The following MARCHF1 variants were observed in gnomAD, a reference collection of about 807,000 sequenced individuals.
The protein encoded by MARCHF1 is membrane associated ring-CH-type finger 1.
A neutral mutation model predicts 54.2 loss-of-function variants in MARCHF1; 40 were observed. The observed-to-expected ratio is 0.74, with a 90% CI of 0.57 to 0.96. The LOEUF is 0.96. Among genes scored for constraint, MARCHF1 ranks in the 40% least tolerant of loss-of-function variants. MARCHF1 has a pLI of 0.00. For missense variants in MARCHF1, 586 were observed against 656.5 expected, an observed-to-expected ratio of 0.89 and a Z score of 1.17; for synonymous variants, 236 against 236.3, an observed-to-expected ratio of 1.00 and a Z score of 0.01.
intron 2 of MARCHF1, among the ~76,000 whole-genome samples, chr4:164,044,606 T>C (rs1361116690): frequency 6.6e-6 from 1 of 152,140 alleles, no homozygotes; most frequent in African/African-American, 2.4e-5. Context: ...AAGGAGAAGT[T>C]TGACTTTGAG....
chr4:163,824,469 C>T (rs1748788612), intron 4 of MARCHF1, among the ~76,000 whole-genome samples: 1 of 143,706 alleles, frequency 7.0e-6, no homozygotes, highest in African/African-American at 2.5e-5. Context: ...CCCTTCCTTA[C>T]ACCTTATACA....
intron 3 of MARCHF1, among the ~76,000 whole-genome samples, chr4:163,887,322 C>A (rs1579366859): frequency 6.6e-6 from 1 of 151,768 alleles, no homozygotes. Context: ...GAGATGGAGC[C>A]AATCACTCAA....
At chr4:163,668,641 T>A (rs1055519427) in intron 5 of MARCHF1, among the ~76,000 whole-genome samples, 24 of 152,142 alleles carry the variant, frequency 1.6e-4, no homozygotes, top group African/African-American at 5.3e-4. Flanking sequence ...TATTGTTGAA[T>A]CACAGCATCA....
chr4:164,144,532 C>G (rs1213278691), intron 1 of MARCHF1, among the ~76,000 whole-genome samples: 1 of 152,016 alleles, frequency 6.6e-6, no homozygotes, highest in Non-Finnish European at 1.5e-5. Context: ...CAAAACTGCG[C>G]AACTACACAG....
At chr4:163,679,851 C>CT (rs1393291435) in intron 5 of MARCHF1, among the ~76,000 whole-genome samples, 1 of 152,024 alleles carries the variant, frequency 6.6e-6, no homozygotes, top group Non-Finnish European at 1.5e-5. Context: ...CCGCCCGCCT[C>CT]GGCCTCCCAA....
rs150898009 is a variant in MARCHF1, at chr4:164,221,925, C to T, written c.-322-110263G>A. Among the ~76,000 whole-genome samples the T allele has an allele frequency of 3.0e-3, 452 of 152,032 alleles. 4 individuals carry two copies. The highest frequency in any genetic ancestry group is 0.011 in the African/African-American group (436 of 41,498). On this transcript the variant is annotated intron_variant, in intron 1 of 9. Coordinates refer to ENST00000514618, the MANE Select transcript of MARCHF1 (RefSeq NM_001394959.1). ...GGATCAGTTATAGTCATTTCCTGAA[C>T]CACTTTTCTTAAGTTCAAGAGATAA...
intron 4 of MARCHF1, among the ~76,000 whole-genome samples, chr4:163,718,039 C>G (rs977493798): frequency 6.6e-6 from 1 of 152,124 alleles, no homozygotes; most frequent in Non-Finnish European, 1.5e-5. Context: ...CTGACAAAAA[C>G]AAGAAATGGG....
rs571673957 is a variant in MARCHF1 at position 163,777,576 on chromosome 4, A to G, written c.111+76445T>C. Among the ~76,000 whole-genome samples the G allele has an allele frequency of 1.6e-4, 25 of 152,284 alleles. No individual in the cohort carries two copies. The East Asian group carries it at 4.8e-3, about 29-fold the overall frequency. On this transcript the variant is annotated intron_variant, in intron 4 of 9. Coordinates refer to ENST00000514618, the MANE Select transcript of MARCHF1 (RefSeq NM_001394959.1). ...TACAAAACAAGAGGTTGGGACCAGC[A>G]GATAGACTTTCAGTTTTATCTGGGA...
At chr4:164,085,830 T>C (rs1755182304) in intron 2 of MARCHF1, among the ~76,000 whole-genome samples, 1 of 151,818 alleles carries the variant, frequency 6.6e-6, no homozygotes, top group Non-Finnish European at 1.5e-5. Context: ...ATTATGACTA[T>C]GTATTCTGTA....
At chr4:163,980,137 C>A (rs1418097773) in intron 3 of MARCHF1, among the ~76,000 whole-genome samples, 1 of 142,690 alleles carries the variant, frequency 7.0e-6, no homozygotes, top group Non-Finnish European at 1.5e-5. Context: ...CTACAGTAAC[C>A]AAAACAGCAT....
chr4:163,545,326 G>A (rs569259648), intron 9 of MARCHF1, among the ~76,000 whole-genome samples: 7 of 152,310 alleles, frequency 4.6e-5, no homozygotes, highest in South Asian at 2.1e-4. Context: ...CAAAAAGCCC[G>A]AAGTGGTGTG....
At chr4:164,247,762 A>G (rs1055873414) in intron 1 of MARCHF1, among the ~76,000 whole-genome samples, 1 of 150,228 alleles carries the variant, frequency 6.7e-6, no homozygotes, top group African/African-American at 2.5e-5. Context: ...GGTAACTGAG[A>G]TCTTATCCAA....
At chr4:164,360,738 C>T (rs991373508) in intron 1 of MARCHF1, among the ~76,000 whole-genome samples, 5 of 152,034 alleles carry the variant, frequency 3.3e-5, no homozygotes, top group East Asian at 1.9e-4. Context: ...CTCTCTGCTA[C>T]GGTCTCCAAA....
rs1293908042 is a variant in MARCHF1, at chr4:163,595,787, AT to A, written c.1011-9859del. Among the ~76,000 whole-genome samples, 3 of 152,158 alleles carry A rather than the reference AT, an allele frequency of 2.0e-5. No individual in the cohort carries two copies. The East Asian group carries it at 5.8e-4, about 29-fold the overall frequency. On this transcript the variant is annotated intron_variant, in intron 7 of 9. Coordinates refer to ENST00000514618, the MANE Select transcript of MARCHF1 (RefSeq NM_001394959.1). ...GGGAAGTTGTTATTCAGTGGGAGTA[AT>A]TTTTGATTATGCAAGATGATGATTC...
In MARCHF1 at chr4:163,892,622, TA is replaced by T. The variant is rs1041608656; in HGVS notation, c.-38-38454del. On this transcript the variant is annotated intron_variant, in intron 3 of 9. Coordinates refer to ENST00000514618, the MANE Select transcript of MARCHF1 (RefSeq NM_001394959.1). ...AAAAATAAAAATAAAAATAAAAAAA[TA>T]AAAAAAATTAAAAAAAAATAAAAAT... Among the ~76,000 whole-genome samples, 6 of 149,794 alleles carry T rather than the reference TA, an allele frequency of 4.0e-5. No homozygotes were observed. The East Asian group carries it at 5.8e-4, about 15-fold the overall frequency.
intron 2 of MARCHF1, among the ~76,000 whole-genome samples, chr4:164,025,790 GT>G (rs1359045218): frequency 6.6e-6 from 1 of 151,218 alleles, no homozygotes; most frequent in Non-Finnish European, 1.5e-5. Context: ...GAAACCAAGA[GT>G]TTTTTCTCAA....
chr4:164,001,703 C>A (rs1377867045), intron 2 of MARCHF1, among the ~76,000 whole-genome samples: 5 of 151,710 alleles, frequency 3.3e-5, no homozygotes, highest in African/African-American at 1.2e-4. Flanking sequence ...TTGTCTGTTT[C>A]ATTAAGGAGA....
At chr4:163,882,485 T>C (rs185017541) in intron 3 of MARCHF1, among the ~76,000 whole-genome samples, 127 of 152,316 alleles carry the variant, frequency 8.3e-4, no homozygotes, top group African/African-American at 2.8e-3. Context: ...ATTACAAATG[T>C]CTAAATAATT....
rs569508511 is a variant in MARCHF1, at chr4:163,933,086, G to T, written c.-39+55415C>A. On this transcript the variant is annotated intron_variant, in intron 3 of 9. Transcript: ENST00000514618. Reference sequence around the variant, plus strand: ...TTAATAACCCAGAGCTTGCCTGCACGCTGGCTAAAACGGCTTTTGATGAGG... The same window carrying T: ...TTAATAACCCAGAGCTTGCCTGCACTCTGGCTAAAACGGCTTTTGATGAGG... 3.2e-4 allele frequency: 470 copies of T among 1,467,634 alleles called. 2 individuals carry two copies. Among genetic ancestry groups the T allele is most frequent in the African/African-American group, 1.6e-4 (11 of 70,256 alleles). 90.9% of individuals were successfully genotyped at this position (1,467,634 alleles called of 1,614,324 possible). A position where few individuals can be genotyped will look rare whatever the true frequency, so the allele number is the denominator to read the frequency against.
Sources: gnomAD v4.1 joint callset for allele counts (sites outside exome capture counted in the v4.1 genomes callset) on GRCh38, gnomAD v4.1.1 for gene constraint, MANE v1.5 for transcripts, NCBI Gene and HGNC (gene_info 2026-07-23, HGNC 2026-07-21) for gene names.